STXBP5L: variants seen among roughly 807,000 people sequenced by gnomAD.
STXBP5L encodes the protein syntaxin-binding protein 5-like.
Under a neutral mutation model 144.5 loss-of-function variants are expected in STXBP5L, and 65 were observed. The ratio of observed to expected loss-of-function variants is 0.45; its 90% CI spans 0.37 to 0.55. The LOEUF is 0.55. STXBP5L is among the 20% of genes least tolerant of loss of function. The probability of loss-of-function intolerance (pLI) is 0.00; values close to 1 mark genes in which losing one functional copy is unlikely to be tolerated. For missense variants in STXBP5L, 1,298 were observed against 1,405.5 expected, an observed-to-expected ratio of 0.92 and a Z score of 1.22; for synonymous variants, 505 against 469.6, an observed-to-expected ratio of 1.08 and a Z score of -0.97.
rs1343677298 is a variant in STXBP5L at position 121,419,847 on chromosome 3, A to C, written c.*750A>C. On this transcript the variant is annotated 3_prime_UTR_variant, in exon 27 of 27. Transcript: ENST00000471454. Reference sequence around the variant, plus strand: ...TTCAGAATGGGTTGCTGTTTTTAGCACAAACCATGCAGGGTTGGGTCACCT... The same window carrying C: ...TTCAGAATGGGTTGCTGTTTTTAGCCCAAACCATGCAGGGTTGGGTCACCT... 1 of 152,222 alleles carries C rather than the reference A, an allele frequency of 6.6e-6. No individual in the cohort carries two copies. Among genetic ancestry groups the C allele is most frequent in the Admixed American group, 6.5e-5 (1 of 15,270 alleles). The allele number at this position is 152,222 out of a possible 1,614,324, so 9.4% of individuals were successfully genotyped here. A position where few individuals can be genotyped will look rare whatever the true frequency, so the allele number is the denominator to read the frequency against.
intron 20 of STXBP5L, among the ~76,000 whole-genome samples, chr3:121,352,777 C>CT (rs1442364474): frequency 1.3e-5 from 2 of 152,052 alleles, no homozygotes; most frequent in African/African-American, 4.8e-5. Flanking sequence ...AAAGGGAATG[C>CT]TTCCAATTTT....
At chr3:121,113,478 A>G (rs1303060147) in intron 5 of STXBP5L, among the ~76,000 whole-genome samples, 2 of 152,230 alleles carry the variant, frequency 1.3e-5, no homozygotes, top group South Asian at 4.1e-4. Flanking sequence ...CATATAGGCT[A>G]CACAATTACT....
At chr3:121,007,476 G>A (rs1041934783) in intron 3 of STXBP5L, among the ~76,000 whole-genome samples, 2 of 151,790 alleles carry the variant, frequency 1.3e-5, no homozygotes, top group African/African-American at 2.4e-5. Flanking sequence ...TTCCTTAAAT[G>A]TTTGCTGGAA....
At chr3:120,929,161 G>A (rs529304648) in intron 2 of STXBP5L, among the ~76,000 whole-genome samples, 2 of 152,264 alleles carry the variant, frequency 1.3e-5, no homozygotes, top group African/African-American at 4.8e-5. Context: ...TTGTGAATGA[G>A]GGAGCTGCGG....
At chr3:121,063,457 G>A (rs2041385518) in intron 5 of STXBP5L, among the ~76,000 whole-genome samples, 2 of 152,218 alleles carry the variant, frequency 1.3e-5, no homozygotes, top group African/African-American at 4.8e-5. Context: ...GTGTCTCCCA[G>A]TCAGGAGTTA....
intron 9 of STXBP5L, among the ~76,000 whole-genome samples, chr3:121,193,659 C>A (rs1455153543): frequency 6.6e-6 from 1 of 152,120 alleles, no homozygotes; most frequent in Non-Finnish European, 1.5e-5. Flanking sequence ...AGGATGAGTC[C>A]ATTTTCCTTT....
intron 20 of STXBP5L, among the ~76,000 whole-genome samples, chr3:121,325,518 T>G (rs1282084114): frequency 6.6e-6 from 1 of 152,004 alleles, no homozygotes; most frequent in Non-Finnish European, 1.5e-5. Context: ...TATGGGACAT[T>G]CAAACAGTGA....
At chr3:120,940,150 G>C (rs1453080659) in intron 2 of STXBP5L, among the ~76,000 whole-genome samples, 3 of 151,798 alleles carry the variant, frequency 2.0e-5, no homozygotes, top group Admixed American at 6.6e-5. Flanking sequence ...ATATAAATTA[G>C]TTTGATAGCT....
chr3:121,372,566 C>T (rs925482913), intron 20 of STXBP5L, among the ~76,000 whole-genome samples: 4 of 152,188 alleles, frequency 2.6e-5, no homozygotes, highest in African/African-American at 9.7e-5. Context: ...GCTCAACTCA[C>T]CCCTTTTGCA....
chr3:121,330,190 T>G (rs2044280676), intron 20 of STXBP5L, among the ~76,000 whole-genome samples: 1 of 152,072 alleles, frequency 6.6e-6, no homozygotes. Flanking sequence ...GCCTTCTGAG[T>G]GCAGACTGCT....
chr3:121,049,789 G>C (rs898295708), intron 5 of STXBP5L: 6 of 154,334 alleles, frequency 3.9e-5, no homozygotes, highest in Middle Eastern at 5.6e-4. Context: ...TCCATTGCTA[G>C]AGCTGCATCT....
chr3:121,020,440 A>T (rs1389007620), intron 3 of STXBP5L, among the ~76,000 whole-genome samples: 3 of 152,192 alleles, frequency 2.0e-5, no homozygotes, highest in African/African-American at 2.4e-5. Context: ...GCAAAAAGAT[A>T]ATCACCTAGA....
intron 5 of STXBP5L, among the ~76,000 whole-genome samples, chr3:121,049,988 G>T (rs1217469713): frequency 6.6e-6 from 1 of 152,036 alleles, no homozygotes; most frequent in Non-Finnish European, 1.5e-5. Flanking sequence ...GAATCCCTGG[G>T]GACTCTCACT....
At chr3:121,303,825 A>C (rs61796889) in intron 19 of STXBP5L, among the ~76,000 whole-genome samples, 6,427 of 152,048 alleles carry the variant, frequency 0.042, 199 homozygotes, top group Non-Finnish European at 0.061. Context: ...GGGAATTGAA[A>C]AATGAGAACA....
intron 5 of STXBP5L, among the ~76,000 whole-genome samples, chr3:121,089,752 C>G (rs1454581861): frequency 2.0e-5 from 3 of 151,788 alleles, no homozygotes; most frequent in Non-Finnish European, 2.9e-5. Context: ...GTTTCTGAAG[C>G]TCTGGTATTT....
rs183158699 is a variant in STXBP5L at position 121,370,622 on chromosome 3, C to T, written c.2177-8094C>T. 3.6e-3 allele frequency among the ~76,000 whole-genome samples: 554 copies of T among 152,286 alleles called. 2 individuals are homozygous for T. Among genetic ancestry groups the T allele is most frequent in the African/African-American group, 0.013 (531 of 41,556 alleles). ...GTTTTCTATGTTGCTTCCATTCTCT[C>T]CATCAGTTTCAGAAATGCCAATGAG... On this transcript the variant is annotated intron_variant, in intron 20 of 26. Coordinates refer to ENST00000471454, the MANE Select transcript of STXBP5L (RefSeq NM_001308330.2).
chr3:121,029,442 A>G (rs1946201058), intron 3 of STXBP5L, among the ~76,000 whole-genome samples: 1 of 152,192 alleles, frequency 6.6e-6, no homozygotes, highest in Non-Finnish European at 1.5e-5. Flanking sequence ...AGGATTCCCC[A>G]TTTTATAAAT....
intron 5 of STXBP5L, among the ~76,000 whole-genome samples, chr3:121,050,736 A>G (rs891979166): frequency 1.5e-4 from 23 of 152,224 alleles, no homozygotes; most frequent in Non-Finnish European, 2.5e-4. Context: ...ACATAACAAT[A>G]TTAACTTTCA....
chr3:121,361,848 C>T (rs189865750), intron 20 of STXBP5L, among the ~76,000 whole-genome samples: 23 of 152,114 alleles, frequency 1.5e-4, no homozygotes, highest in Middle Eastern at 3.4e-3. Flanking sequence ...AGTGTTGATG[C>T]TAGTAGATGT....
Sources: allele counts gnomAD v4.1 joint callset (sites outside exome capture counted in the v4.1 genomes callset), GRCh38; gene constraint gnomAD v4.1.1; transcripts MANE v1.5; gene names NCBI Gene and HGNC (gene_info 2026-07-23, HGNC 2026-07-21).